Variants in MMP15 observed in about 807,000 individuals in gnomAD.
MMP15 encodes the protein matrix metallopeptidase 15, also known as matrix metalloproteinase-15.
A neutral mutation model predicts 65.0 loss-of-function variants in MMP15; 36 were observed. The observed-to-expected ratio is 0.55, with a 90% CI of 0.42 to 0.73. The LOEUF is 0.73. MMP15 is among the 30% of genes least tolerant of loss of function. The pLI is 0.00. For missense variants in MMP15, 870 were observed against 987.8 expected, an observed-to-expected ratio of 0.88 and a Z score of 1.60; for synonymous variants, 428 against 410.2, an observed-to-expected ratio of 1.04 and a Z score of -0.52.
intron 3 of MMP15, 149 bp downstream of exon 3, chr16:58,038,543 C>T: frequency 9.6e-7 from 1 of 1,043,070 alleles, no homozygotes; most frequent in South Asian, 1.5e-5. Flanking sequence ...AGGCAGTCTC[C>T]CTCGAGGGAA....
chr16:58,040,828 C>T (rs779436928), intron 5 of MMP15, 130 bp downstream of exon 5: 6 of 1,346,344 alleles, frequency 4.5e-6, no homozygotes, highest in Admixed American at 1.8e-5. Flanking sequence ...GTGACTTGCC[C>T]ACATCATTTG....
chr16:58,028,449 T>C lies in MMP15; in HGVS notation c.162+1937T>C, dbSNP rs1963854475. ...AGGTGGAGTGTCCCAGCTCCTACAG[T>C]TGGCTTTGGGTACAGGCTGCTTCTA... On this transcript the variant is annotated intron_variant, in intron 1 of 9. Transcript: ENST00000219271. 2.0e-5 allele frequency among the ~76,000 whole-genome samples: 3 copies of C among 152,158 alleles called. No homozygotes were observed. The South Asian group carries it at 6.2e-4, about 32-fold the overall frequency.
At chr16:58,035,631 C>T (rs1228241711) in intron 1 of MMP15, among the ~76,000 whole-genome samples, 2 of 152,190 alleles carry the variant, frequency 1.3e-5, no homozygotes, top group African/African-American at 4.8e-5. Flanking sequence ...TTACTGATGA[C>T]CGACAGAGAT....
At chr16:58,026,841 C>A (rs547975484) in intron 1 of MMP15, among the ~76,000 whole-genome samples, 1 of 152,368 alleles carries the variant, frequency 6.6e-6, no homozygotes, top group South Asian at 2.1e-4. Flanking sequence ...CTTGCCTCCC[C>A]TCCTTCCTTC....
chr16:58,032,852 C>G (rs1242920219), intron 1 of MMP15, among the ~76,000 whole-genome samples: 2 of 152,246 alleles, frequency 1.3e-5, no homozygotes, highest in Non-Finnish European at 2.9e-5. Flanking sequence ...CCTGGCTGGG[C>G]AACTCTGCCT....
intron 9 of MMP15, among the ~76,000 whole-genome samples, chr16:58,044,181 C>G (rs140671172): frequency 6.6e-6 from 1 of 152,194 alleles, no homozygotes; most frequent in African/African-American, 2.4e-5. Flanking sequence ...TGTAGTGGCT[C>G]ACGCCTGTAA....
At chr16:58,035,452 C>A (rs1028127626) in intron 1 of MMP15, among the ~76,000 whole-genome samples, 1 of 152,180 alleles carries the variant, frequency 6.6e-6, no homozygotes, top group Non-Finnish European at 1.5e-5. Flanking sequence ...TCAAGGAGGC[C>A]GAAGGCTGCC....
chr16:58,036,142 CTG>C (rs1567429572), intron 1 of MMP15, among the ~76,000 whole-genome samples: 1 of 152,226 alleles, frequency 6.6e-6, no homozygotes, highest in Non-Finnish European at 1.5e-5. Flanking sequence ...GCTTCTCACT[CTG>C]GAGACCCCCA....
chr16:58,031,691 C>T (rs947343468), intron 1 of MMP15, among the ~76,000 whole-genome samples: 1 of 152,030 alleles, frequency 6.6e-6, no homozygotes, highest in Non-Finnish European at 1.5e-5. Context: ...TTCCCCACCA[C>T]CCAGAGTCCC....
rs758557356 is a variant in MMP15, at chr16:58,042,262, G to A, written c.1196G>A (p.Arg399His). 1.6e-5 allele frequency: 26 copies of A among 1,614,050 alleles called. No individual in the cohort carries two copies. In the Admixed American group the frequency reaches 1.7e-4, roughly 10 times the overall value. ...TGGTTCTGGCGAGTCCGGCACAACC[G>A]CGTCCTGGACAACTATCCCATGCCC... is the stretch of plus-strand genomic sequence containing the variant. ...GRWFWRVRHN[R>H]VLDNYPMPIG... The change falls in exon 7 of 10, where the codon CGC becomes CAC. Residue 399 changes from arginine (R) to histidine (H), a missense_variant. Physicochemically the swap from Arg to His is conservative, Grantham distance 29. Coordinates refer to ENST00000219271, the MANE Select transcript of MMP15 (RefSeq NM_002428.4).
intron 1 of MMP15, among the ~76,000 whole-genome samples, chr16:58,033,526 A>G (rs1348985749): frequency 6.6e-6 from 1 of 152,156 alleles, no homozygotes; most frequent in Non-Finnish European, 1.5e-5. Flanking sequence ...GCCAGGAACC[A>G]CCCTTCTGAC....
At chr16:58,031,525 C>G (rs1442308119) in intron 1 of MMP15, among the ~76,000 whole-genome samples, 2 of 152,200 alleles carry the variant, frequency 1.3e-5, no homozygotes, top group Non-Finnish European at 2.9e-5. Flanking sequence ...CCCGAAACTC[C>G]TGGCTAACAG....
At chr16:58,035,068 C>A (rs1425368459) in intron 1 of MMP15, among the ~76,000 whole-genome samples, 1 of 152,182 alleles carries the variant, frequency 6.6e-6, no homozygotes, top group Non-Finnish European at 1.5e-5. Context: ...GCCAGTCCCC[C>A]GCCACTCCCC....
At chr16:58,044,430 CAG>C (rs777185123) in intron 9 of MMP15, among the ~76,000 whole-genome samples, 61 of 152,328 alleles carry the variant, frequency 4.0e-4, no homozygotes, top group African/African-American at 6.3e-4. Context: ...CTGGGTGACT[CAG>C]GGGGGACCTT....
At chr16:58,036,599 C>T (rs1959334530) in intron 1 of MMP15, among the ~76,000 whole-genome samples, 1 of 152,218 alleles carries the variant, frequency 6.6e-6, no homozygotes, top group Non-Finnish European at 1.5e-5. Flanking sequence ...CTCAGCAGCC[C>T]ATGGTTCCCC....
chr16:58,030,048 C>T (rs961246436), intron 1 of MMP15, among the ~76,000 whole-genome samples: 2 of 152,192 alleles, frequency 1.3e-5, no homozygotes, highest in Admixed American at 1.3e-4. Flanking sequence ...ATGAGAACCA[C>T]TACTTTCCAG....
intron 1 of MMP15, among the ~76,000 whole-genome samples, chr16:58,036,591 C>T (rs1321360870): frequency 6.6e-6 from 1 of 152,246 alleles, no homozygotes; most frequent in Non-Finnish European, 1.5e-5. Flanking sequence ...CCTCACCCCT[C>T]AGCAGCCCAT....
At chr16:58,038,227 G>A (rs1243036607) in intron 2 of MMP15, 39 bp from the exon 3 acceptor site, 1 of 1,605,986 alleles carries the variant, frequency 6.2e-7, no homozygotes, top group South Asian at 1.1e-5. Flanking sequence ...GTGTGTGGAG[G>A]GGAGGCTCCG....
intron 1 of MMP15, among the ~76,000 whole-genome samples, chr16:58,035,429 G>C (rs575426759): frequency 2.4e-4 from 36 of 152,298 alleles, no homozygotes; most frequent in African/African-American, 8.4e-4. Flanking sequence ...CAGCCTTCTT[G>C]GTCAATGATG....
Sources: allele counts gnomAD v4.1 joint callset (sites outside exome capture counted in the v4.1 genomes callset), GRCh38; gene constraint gnomAD v4.1.1; transcripts MANE v1.5; gene names NCBI Gene and HGNC (gene_info 2026-07-23, HGNC 2026-07-21).